The following FAT3 variants were observed in gnomAD, a reference collection of about 807,000 sequenced individuals.
FAT3 encodes the protein FAT atypical cadherin 3, also known as protocadherin Fat 3.
A neutral mutation model predicts 310.2 loss-of-function variants in FAT3; 95 were observed. That is an observed-to-expected ratio of 0.31 (90% CI 0.26 to 0.36). The LOEUF (loss-of-function observed/expected upper bound fraction) is 0.36, where lower values mean the gene tolerates loss of function less well. Among genes scored for constraint, FAT3 ranks in the 10% least tolerant of loss-of-function variants. The pLI is 1.00. For missense variants in FAT3, 5,408 were observed against 5,715.6 expected, an observed-to-expected ratio of 0.95 and a Z score of 1.74; for synonymous variants, 2,314 against 2,192.9, an observed-to-expected ratio of 1.06 and a Z score of -1.54.
intron 3 of FAT3, among the ~76,000 whole-genome samples, chr11:92,532,298 A>G (rs1954108395): frequency 6.6e-6 from 1 of 152,194 alleles, no homozygotes; most frequent in African/African-American, 2.4e-5. Flanking sequence ...TCATACTTCT[A>G]CACAACTGAC....
intron 3 of FAT3, among the ~76,000 whole-genome samples, chr11:92,611,693 C>T (rs2135626797): frequency 6.6e-6 from 1 of 152,278 alleles, no homozygotes; most frequent in East Asian, 1.9e-4. Context: ...TGTACCCTGG[C>T]CCACCCTTCT....
chr11:92,279,771 A>T (rs954632867), intron 1 of FAT3, among the ~76,000 whole-genome samples: 1 of 152,180 alleles, frequency 6.6e-6, no homozygotes, highest in African/African-American at 2.4e-5. Flanking sequence ...TCTACTACAG[A>T]ACATTAGAAC....
chr11:92,236,459 G>T (rs1021776117), intron 1 of FAT3, among the ~76,000 whole-genome samples: 1 of 152,176 alleles, frequency 6.6e-6, no homozygotes, highest in East Asian at 1.9e-4. Context: ...CAACACGTGA[G>T]CAGGTGCGTG....
At position 92,824,664 on chromosome 11, in the gene FAT3, T is replaced by G. The variant is rs1948058279; in HGVS notation, c.9482-6958T>G. Among the ~76,000 whole-genome samples the G allele has an allele frequency of 2.0e-5, 3 of 152,204 alleles. No homozygotes were observed. In the South Asian group the frequency reaches 6.2e-4, roughly 32 times the overall value. On this transcript the variant is annotated intron_variant, in intron 13 of 27. Transcript: ENST00000525166. ...TAATTTTTATAATAGTTCTTTTATT[T>G]ATTACAAACATAGTGTGTGTTTACA...
chr11:92,251,599 T>C (rs1865144212), intron 1 of FAT3, among the ~76,000 whole-genome samples: 1 of 152,162 alleles, frequency 6.6e-6, no homozygotes, highest in Non-Finnish European at 1.5e-5. Context: ...CAAATTTATT[T>C]TAGTATTAAT....
Position 92,837,131 on chromosome 11 carries a change from A to G in FAT3, c.10224+428A>G, listed in dbSNP as rs568333291. ...CTGTCCAAGGTTAAGTGAAGTTTCT[A>G]AACATTGTCTTTCTTGACCAAAAAA... On this transcript the variant is annotated intron_variant, in intron 16 of 27. Transcript: ENST00000525166. Among the ~76,000 whole-genome samples, 3 of 152,312 alleles carry G rather than the reference A, an allele frequency of 2.0e-5. No homozygotes were observed. In the South Asian group the frequency reaches 6.2e-4, roughly 32 times the overall value.
chr11:92,561,384 G>A (rs558714167), intron 3 of FAT3, among the ~76,000 whole-genome samples: 4 of 151,898 alleles, frequency 2.6e-5, no homozygotes, highest in African/African-American at 4.8e-5. Context: ...TTTATACAAA[G>A]AAAAGTCAAT....
chr11:92,610,479 T>G (rs970797373), intron 3 of FAT3, among the ~76,000 whole-genome samples: 4 of 152,224 alleles, frequency 2.6e-5, no homozygotes, highest in African/African-American at 7.2e-5. Flanking sequence ...TTGAACCAGT[T>G]GTATAGTTTA....
At chr11:92,258,209 G>C (rs912482277) in intron 1 of FAT3, among the ~76,000 whole-genome samples, 1 of 152,042 alleles carries the variant, frequency 6.6e-6, no homozygotes, top group Non-Finnish European at 1.5e-5. Context: ...ACATTCATTG[G>C]AACAATAAGT....
chr11:92,547,299 G>A (rs544578257), intron 3 of FAT3, among the ~76,000 whole-genome samples: 5 of 152,124 alleles, frequency 3.3e-5, no homozygotes, highest in Non-Finnish European at 7.3e-5. Flanking sequence ...ACTCTACAAA[G>A]TACTGTTTTC....
At chr11:92,342,858 G>A (rs75704462) in intron 1 of FAT3, among the ~76,000 whole-genome samples, 1,766 of 152,170 alleles carry the variant, frequency 0.012, 36 homozygotes, top group African/African-American at 0.041. Flanking sequence ...GCCAAGCATA[G>A]GAGCAAATTA....
At chr11:92,581,796 A>C (rs1938817015) in intron 3 of FAT3, among the ~76,000 whole-genome samples, 1 of 152,056 alleles carries the variant, frequency 6.6e-6, no homozygotes, top group African/African-American at 2.4e-5. Context: ...TGCTGTACAT[A>C]AATTATTTAA....
chr11:92,247,744 T>A (rs1477134012), intron 1 of FAT3, among the ~76,000 whole-genome samples: 1 of 141,882 alleles, frequency 7.0e-6, no homozygotes, highest in African/African-American at 2.6e-5. Context: ...TTTTTTTTTA[T>A]ATTCAAGCTT....
At chr11:92,435,472 T>TTCCG (rs1316029063) in intron 2 of FAT3, among the ~76,000 whole-genome samples, 1 of 111,846 alleles carries the variant, frequency 8.9e-6, no homozygotes, top group Non-Finnish European at 1.6e-5. Context: ...TTATTTATCC[T>TTCCG]TCCTTCCTTC....
chr11:92,312,524 A>C lies in FAT3; in HGVS notation c.-17-39572A>C, dbSNP rs370347275. Among the ~76,000 whole-genome samples, 72 of 152,314 alleles carry C rather than the reference A, an allele frequency of 4.7e-4. 1 individual carries two copies. In the South Asian group the frequency reaches 0.014, roughly 30 times the overall value. ...AATCATTTTGCACCACACAAAACAA[A>C]TAGTGACTTCTGTATCAGTAATACT... is the stretch of plus-strand genomic sequence containing the variant. On this transcript the variant is annotated intron_variant, in intron 1 of 27. Coordinates refer to ENST00000525166, the MANE Select transcript of FAT3 (RefSeq NM_001367949.2).
intron 4 of FAT3, among the ~76,000 whole-genome samples, chr11:92,738,857 TCA>T (rs1797073469): frequency 1.3e-5 from 2 of 152,284 alleles, no homozygotes; most frequent in South Asian, 2.1e-4. Context: ...TAATATTTCT[TCA>T]CCAACTTTCC....
At position 92,889,836 on chromosome 11, in the gene FAT3, T is replaced by G; in HGVS notation, c.13112-20T>G. 1 of 717,880 alleles carries G rather than the reference T, an allele frequency of 1.4e-6. No homozygotes were observed. The highest frequency in any genetic ancestry group is 2.6e-6 in the Non-Finnish European group (1 of 385,180). 44.5% of individuals were successfully genotyped at this position (717,880 alleles called of 1,614,324 possible). A position where few individuals can be genotyped will look rare whatever the true frequency, so the allele number is the denominator to read the frequency against. On this transcript the variant is annotated intron_variant, in intron 26 of 27. Transcript: ENST00000525166. ...ATGGTTTGGACTGTCAGTTTTACTT[T>G]TCACTTTGTATTTAAACAGTGTCTG...
At chr11:92,832,981 A>G (rs1191578783) in intron 14 of FAT3, among the ~76,000 whole-genome samples, 1 of 152,198 alleles carries the variant, frequency 6.6e-6, no homozygotes, top group Non-Finnish European at 1.5e-5. Flanking sequence ...TCTGGGGAAC[A>G]TGTAGCATCA....
At chr11:92,303,929 T>G (rs1463583006) in intron 1 of FAT3, among the ~76,000 whole-genome samples, 1 of 152,154 alleles carries the variant, frequency 6.6e-6, no homozygotes, top group East Asian at 1.9e-4. Context: ...AACCTTTTTT[T>G]CGCAATTGTG....
Sources: allele counts gnomAD v4.1 joint callset (sites outside exome capture counted in the v4.1 genomes callset), GRCh38; gene constraint gnomAD v4.1.1; transcripts MANE v1.5; gene names NCBI Gene and HGNC (gene_info 2026-07-23, HGNC 2026-07-21).